MYO1D: variants seen among roughly 807,000 people sequenced by gnomAD.
The protein encoded by MYO1D is unconventional myosin-Id.
MYO1D carries 83 observed loss-of-function variants against 122.0 expected under a neutral mutation model. The observed-to-expected ratio is 0.68, with a 90% CI of 0.57 to 0.82. MYO1D has a LOEUF of 0.82. Among genes scored for constraint, MYO1D ranks in the 40% least tolerant of loss-of-function variants. The pLI, the probability that MYO1D is intolerant of heterozygous loss-of-function variation, is 0.00. For missense variants in MYO1D, 1,157 were observed against 1,269.5 expected, an observed-to-expected ratio of 0.91 and a Z score of 1.35; for synonymous variants, 464 against 446.9, an observed-to-expected ratio of 1.04 and a Z score of -0.48.
At chr17:32,777,787 A>C (rs1278972245) in intron 3 of MYO1D, among the ~76,000 whole-genome samples, 1 of 151,640 alleles carries the variant, frequency 6.6e-6, no homozygotes, top group Non-Finnish European at 1.5e-5. Context: ...CAAAAAAATT[A>C]GCCGGGCGCA....
rs1337356344 is a variant in MYO1D at position 32,845,741 on chromosome 17, G to C, written c.95+31037C>G. ...ACATTTTAAGGGCCCAATTGCCACAGGTGGCTCGTGGCTACTGCTTTGGAT... is the reference window on the plus strand; with the variant it reads ...ACATTTTAAGGGCCCAATTGCCACACGTGGCTCGTGGCTACTGCTTTGGAT... On this transcript the variant is annotated intron_variant, in intron 1 of 21. Coordinates refer to ENST00000318217, the MANE Select transcript of MYO1D (RefSeq NM_015194.3). Among the ~76,000 whole-genome samples the C allele has an allele frequency of 2.6e-5, 4 of 152,218 alleles. No homozygotes were observed. The East Asian group carries it at 5.8e-4, about 22-fold the overall frequency.
At chr17:32,709,369 CA>C (rs2089347136) in intron 16 of MYO1D, among the ~76,000 whole-genome samples, 1 of 151,984 alleles carries the variant, frequency 6.6e-6, no homozygotes, top group African/African-American at 2.4e-5. Flanking sequence ...GACATAGTAA[CA>C]GATCTGGGGG....
chr17:32,651,193 G>A (rs950820021), intron 19 of MYO1D, among the ~76,000 whole-genome samples: 20 of 152,200 alleles, frequency 1.3e-4, no homozygotes, highest in African/African-American at 4.6e-4. Flanking sequence ...AGGTTTTCCA[G>A]TCTGGCTGGT....
At chr17:32,774,127 T>G (rs1431697151) in intron 4 of MYO1D, among the ~76,000 whole-genome samples, 1 of 152,210 alleles carries the variant, frequency 6.6e-6, no homozygotes, top group Admixed American at 6.5e-5. Flanking sequence ...TTTCGTTCCA[T>G]GACTAGCCTT....
chr17:32,530,163 G>A (rs544426295), intron 21 of MYO1D: 6 of 152,298 alleles, frequency 3.9e-5, no homozygotes, highest in African/African-American at 1.2e-4. Context: ...CAAGGAGCCC[G>A]ATCTGTGTTC....
intron 7 of MYO1D, among the ~76,000 whole-genome samples, chr17:32,766,591 C>T (rs1022525131): frequency 1.3e-5 from 2 of 151,920 alleles, no homozygotes; most frequent in Admixed American, 1.3e-4. Context: ...GTCAGGAGAT[C>T]GAGACTGTCC....
chr17:32,760,489 T>C lies in MYO1D; in HGVS notation c.1174A>G (p.Asn392Asp). Reference protein sequence around the residue: ...LDIYGFEIFDNNSFEQFCINY... With the variant: ...LDIYGFEIFDDNSFEQFCINY... ...GTATCTTTTCCAGTTTACCTGTTGT[T>C]GTCAAAGATTTCAAAGCCATAGATA... Residue 392 changes from asparagine to aspartate, a missense_variant, in exon 9 of 22, where the codon AAC becomes GAC. Transcript: ENST00000318217. 1.9e-6 allele frequency: 3 copies of C among 1,613,004 alleles called. No homozygotes were observed. The highest frequency in any genetic ancestry group is 2.5e-6 in the Non-Finnish European group (3 of 1,179,398).
At chr17:32,728,556 C>T (rs1410513466) in intron 14 of MYO1D, among the ~76,000 whole-genome samples, 1 of 152,042 alleles carries the variant, frequency 6.6e-6, no homozygotes, top group Non-Finnish European at 1.5e-5. Flanking sequence ...GCAAATTTAG[C>T]AAATTTCTAA....
At chr17:32,505,487 A>T (rs1047781892) in intron 21 of MYO1D, 1 of 152,252 alleles carries the variant, frequency 6.6e-6, no homozygotes, top group African/African-American at 2.4e-5. Context: ...AGCTCTGGGA[A>T]GTGCCAGCCT....
intron 1 of MYO1D, among the ~76,000 whole-genome samples, chr17:32,855,245 T>G (rs976405485): frequency 6.6e-6 from 1 of 152,154 alleles, no homozygotes; most frequent in Non-Finnish European, 1.5e-5. Flanking sequence ...AATGTACACA[T>G]CTTTAGTACA....
chr17:32,742,442 A>C (rs1435649082), intron 13 of MYO1D, among the ~76,000 whole-genome samples: 4 of 152,218 alleles, frequency 2.6e-5, no homozygotes, highest in Non-Finnish European at 5.9e-5. Flanking sequence ...CTGAAAGGTG[A>C]AGCTGTTCTC....
intron 1 of MYO1D, among the ~76,000 whole-genome samples, chr17:32,814,486 C>T (rs141064792): frequency 2.0e-4 from 30 of 152,130 alleles, no homozygotes; most frequent in African/African-American, 2.9e-4. Flanking sequence ...CCTTATAAAA[C>T]GGTGTGAGAG....
intron 14 of MYO1D, among the ~76,000 whole-genome samples, chr17:32,724,056 T>C (rs925814764): frequency 3.5e-4 from 54 of 152,216 alleles, no homozygotes; most frequent in Non-Finnish European, 6.5e-4. Flanking sequence ...GGAACAACTG[T>C]AGCTCACTTT....
chr17:32,731,743 C>T (rs934799919), intron 14 of MYO1D, among the ~76,000 whole-genome samples: 5 of 152,304 alleles, frequency 3.3e-5, no homozygotes, highest in East Asian at 1.9e-4. Context: ...GTGGGATCAT[C>T]GCACTTCCTG....
chr17:32,872,404 C>A (rs77907477), intron 1 of MYO1D, among the ~76,000 whole-genome samples: 14,792 of 151,836 alleles, frequency 0.097, 977 homozygotes, highest in East Asian at 0.27. Flanking sequence ...TCCCAAGTAG[C>A]TGGGACCACA....
At chr17:32,528,380 C>G (rs1367686572) in intron 21 of MYO1D, among the ~76,000 whole-genome samples, 1 of 152,064 alleles carries the variant, frequency 6.6e-6, no homozygotes, top group Non-Finnish European at 1.5e-5. Flanking sequence ...GAAGCTGGCT[C>G]CTCAGAACTG....
chr17:32,608,884 T>G (rs2087663693), intron 20 of MYO1D, among the ~76,000 whole-genome samples: 1 of 152,138 alleles, frequency 6.6e-6, no homozygotes, highest in East Asian at 1.9e-4. Flanking sequence ...GGCATTATGG[T>G]TGAATGAAAG....
At chr17:32,753,430 C>T in intron 11 of MYO1D, among the ~76,000 whole-genome samples, 1 of 152,088 alleles carries the variant, frequency 6.6e-6, no homozygotes, top group East Asian at 1.9e-4. Flanking sequence ...TAATCACTAC[C>T]TCAGCACTTG....
At chr17:32,605,024 A>C (rs986292534) in intron 21 of MYO1D, 63 bp downstream of exon 21, 20 of 1,435,058 alleles carry the variant, frequency 1.4e-5, no homozygotes, top group Non-Finnish European at 1.9e-5. Context: ...AAGCTCAGTG[A>C]TAATTACGAT....
Sources: allele counts gnomAD v4.1 joint callset (sites outside exome capture counted in the v4.1 genomes callset), GRCh38; gene constraint gnomAD v4.1.1; transcripts MANE v1.5; gene names NCBI Gene and HGNC (gene_info 2026-07-23, HGNC 2026-07-21).